The following C12orf76 variants were observed in gnomAD, a reference collection of about 807,000 sequenced individuals.
C12orf76 encodes the protein chromosome 12 open reading frame 76, also known as uncharacterized protein C12orf76.
A neutral mutation model predicts 6.8 loss-of-function variants in C12orf76; 6 were observed. The ratio of observed to expected loss-of-function variants is 0.88; its 90% confidence interval spans 0.48 to 1.73. The LOEUF (loss-of-function observed/expected upper bound fraction) is 1.73. Ranked by LOEUF, C12orf76 falls within the 40% of genes most tolerant of loss-of-function variation. The pLI is 0.01. For synonymous variants in C12orf76, 56 were observed against 43.7 expected, an observed-to-expected ratio of 1.28 and a Z score of -1.11; for missense variants, 99 against 98.2, an observed-to-expected ratio of 1.01 and a Z score of -0.03.
At position 110,042,045 on chromosome 12, in the gene C12orf76, G is replaced by A. The variant is rs960039770; in HGVS notation, c.*329C>T. On this transcript the variant is annotated 3_prime_UTR_variant, in exon 2 of 2. Coordinates refer to ENST00000615315, the MANE Select transcript of C12orf76 (RefSeq NM_001389625.1). ...ATTAATGATGAGTTCTTTACAGTGT[G>A]GTTCTTACAGGCACTCACAAGGTTA... The A allele has an allele frequency of 2.8e-6, 1 of 351,150 alleles. No homozygotes were observed. Among genetic ancestry groups the A allele is most frequent in the African/African-American group, 2.0e-5 (1 of 49,680 alleles). 21.8% of individuals were successfully genotyped at this position (351,150 alleles called of 1,614,324 possible).
At chr12:110,043,967 T>C (rs1468037417) in intron 1 of C12orf76, 1 of 151,176 alleles carries the variant, frequency 6.6e-6, no homozygotes, top group Non-Finnish European at 1.5e-5. Flanking sequence ...TTACTCAAGT[T>C]GAGCCCTGGT....
Position 110,042,467 on chromosome 12 carries a change from G to T in C12orf76, c.134-8C>A. 1 of 1,585,986 alleles carries T rather than the reference G, an allele frequency of 6.3e-7. No homozygotes were observed. Among genetic ancestry groups the T allele is most frequent in the Non-Finnish European group, 8.7e-7 (1 of 1,154,440 alleles). On this transcript the variant is annotated splice_region_variant and splice_polypyrimidine_tract_variant and intron_variant, in intron 1 of 1. Transcript: ENST00000615315. ...AAATGGTTCCCATCAACACTGCAAA[G>T]GGAAAACAGGTTACTTCCTAATGGC... is the stretch of plus-strand genomic sequence containing the variant.
chr12:110,066,246 C>T (rs1892857097), intron 1 of C12orf76, among the ~76,000 whole-genome samples: 1 of 151,614 alleles, frequency 6.6e-6, no homozygotes, highest in Non-Finnish European at 1.5e-5. Context: ...GTGGCACACG[C>T]CTGTAGTCCC....
chr12:110,044,772 G>A (rs758441708), intron 1 of C12orf76, among the ~76,000 whole-genome samples: 5 of 152,050 alleles, frequency 3.3e-5, no homozygotes, highest in Non-Finnish European at 5.9e-5. Flanking sequence ...TCGGGAGTTC[G>A]AGACCAGCCT....
intron 2 of C12orf76, among the ~76,000 whole-genome samples, chr12:110,063,602 T>TTATATTTATTTATTTA (rs1555253077): frequency 2.9e-5 from 4 of 138,698 alleles, no homozygotes; most frequent in African/African-American, 1.1e-4. Flanking sequence ...GGATTTTTAT[T>TTATATTTATTTATTTA]TTTATTTATT....
At chr12:110,060,175 G>A (rs1053219079) in intron 2 of C12orf76, among the ~76,000 whole-genome samples, 4 of 152,016 alleles carry the variant, frequency 2.6e-5, no homozygotes, top group Admixed American at 6.6e-5. Context: ...GCGGTGAGCC[G>A]AGATCACCCC....
At chr12:110,047,820 T>A (rs1237673337) in intron 1 of C12orf76, among the ~76,000 whole-genome samples, 1 of 152,230 alleles carries the variant, frequency 6.6e-6, no homozygotes, top group Non-Finnish European at 1.5e-5. Flanking sequence ...ATTTTTGCAA[T>A]AAATACTGGC....
chr12:110,050,901 T>C, upstream of C12orf76: 1 of 637,880 alleles, frequency 1.6e-6, no homozygotes, highest in Non-Finnish European at 2.8e-6. Context: ...TGTAACGTAT[T>C]TCTGGCAACC....
chr12:110,048,781 A>G, upstream of C12orf76: 7 of 627,982 alleles, frequency 1.1e-5, no homozygotes, highest in Non-Finnish European at 1.5e-5. Context: ...TCCCTCATCC[A>G]TTGGGGTCGA....
chr12:110,048,320 G>T, intron 1 of C12orf76, 43 bp downstream of exon 1: 1 of 1,467,164 alleles, frequency 6.8e-7, no homozygotes, highest in Non-Finnish European at 9.0e-7. Context: ...AGCAGTGAAA[G>T]CTCAGGCACT....
At chr12:110,048,824 A>AT (rs1892522206), upstream of C12orf76, 2 of 258,050 alleles carry the variant, frequency 7.8e-6, no homozygotes, top group South Asian at 1.5e-4. Flanking sequence ...CCTATTGAAG[A>AT]TTTTTTACGA....
At chr12:110,051,363 G>A, upstream of C12orf76, 1 of 669,438 alleles carries the variant, frequency 1.5e-6, no homozygotes, top group Non-Finnish European at 2.7e-6. Flanking sequence ...ATATATGTCT[G>A]CAAACTCCTT....
intron 1 of C12orf76, chr12:110,073,280 C>T (rs879185730): frequency 2.1e-5 from 9 of 427,168 alleles, no homozygotes; most frequent in Admixed American, 1.3e-4. Context: ...CTGCTTCCTC[C>T]CTCCCGCCCG....
intron 4 of C12orf76, among the ~76,000 whole-genome samples, chr12:110,056,291 G>A (rs1892665464): frequency 6.6e-6 from 1 of 152,110 alleles, no homozygotes; most frequent in South Asian, 2.1e-4. Context: ...CAGGTGTTAG[G>A]TTTAATCCCT....
rs1233782504 is a variant in C12orf76, at chr12:110,056,815, T to C, written n.664+374A>G. The stretch of plus-strand genomic sequence containing the variant: ...GAGGTTTCCCCTTTTGCTTGGCTCT[T>C]AGTCACTTGTTGCCTGCCACCACGT... On this transcript the variant is annotated intron_variant and non_coding_transcript_variant, in intron 4 of 4. Transcript: ENST00000309050. 6 of 192,972 alleles carry C rather than the reference T, an allele frequency of 3.1e-5. No individual in the cohort carries two copies. The East Asian group carries it at 8.8e-4, about 28-fold the overall frequency. The allele number at this position is 192,972 out of a possible 1,614,324, so 12.0% of individuals were successfully genotyped here. A position where few individuals can be genotyped will look rare whatever the true frequency, so the allele number is the denominator to read the frequency against.
upstream of C12orf76, among the ~76,000 whole-genome samples, chr12:110,053,921 G>C (rs183665823): frequency 1.1e-3 from 167 of 151,982 alleles, no homozygotes; most frequent in African/African-American, 4.0e-3. Context: ...CTGTCTTGAC[G>C]AAAAATACAA....
chr12:110,051,398 G>A (rs1892573058), upstream of C12orf76: 1 of 621,314 alleles, frequency 1.6e-6, no homozygotes, highest in Admixed American at 2.6e-5. Context: ...CACATACTGA[G>A]CACTCGCTAT....
chr12:110,063,843 G>A lies in C12orf76; in HGVS notation n.380+2017C>T, dbSNP rs112683008. ...AATTGCCTGAACCCAGGAGGCAGAGGTTGCTGTGAGCCAAGATCACGCCAC... is the reference window on the plus strand; with the variant it reads ...AATTGCCTGAACCCAGGAGGCAGAGATTGCTGTGAGCCAAGATCACGCCAC... On this transcript the variant is annotated intron_variant and non_coding_transcript_variant, in intron 2 of 4. Transcript: ENST00000309050. Among the ~76,000 whole-genome samples the A allele has an allele frequency of 9.6e-3, 1,455 of 151,998 alleles. 24 individuals are homozygous for A. The highest frequency in any genetic ancestry group is 0.033 in the African/African-American group (1,384 of 41,458).
intron 2 of C12orf76, among the ~76,000 whole-genome samples, chr12:110,064,626 G>A (rs1196845952): frequency 6.6e-6 from 1 of 152,116 alleles, no homozygotes; most frequent in Non-Finnish European, 1.5e-5. Context: ...TGGGGTTTGG[G>A]GGGACAGCTC....
Sources: gnomAD v4.1 joint callset for allele counts (sites outside exome capture counted in the v4.1 genomes callset) on GRCh38, gnomAD v4.1.1 for gene constraint, MANE v1.5 for transcripts, NCBI Gene and HGNC (gene_info 2026-07-23, HGNC 2026-07-21) for gene names.